Variants in NKAIN3 observed in about 807,000 individuals in gnomAD.
NKAIN3 encodes sodium/potassium transporting ATPase interacting 3, also known as sodium/potassium-transporting ATPase subunit beta-1-interacting protein 3.
A neutral mutation model predicts 30.2 loss-of-function variants in NKAIN3; 25 were observed. The observed-to-expected ratio is 0.83, with a 90% CI of 0.60 to 1.16. The LOEUF is 1.16. Among genes scored for constraint, NKAIN3 ranks in the 50% most tolerant of loss-of-function variants. The pLI, the probability that NKAIN3 is intolerant of heterozygous loss-of-function variation, is 0.00. For missense variants in NKAIN3, 225 were observed against 254.1 expected (o/e 0.89, Z 0.78); for synonymous variants, 91 against 89.6 (o/e 1.02, Z -0.09).
intron 3 of NKAIN3, among the ~76,000 whole-genome samples, chr8:62,604,134 T>C (rs941078376): frequency 1.3e-4 from 20 of 152,024 alleles, no homozygotes; most frequent in African/African-American, 4.3e-4. Context: ...TGAGGACTAA[T>C]AGAAAATAGT....
intron 3 of NKAIN3, among the ~76,000 whole-genome samples, chr8:62,594,327 A>G (rs769375371): frequency 2.0e-5 from 3 of 152,086 alleles, no homozygotes; most frequent in Non-Finnish European, 4.4e-5. Flanking sequence ...ATGTTTTAGC[A>G]GTCCTTGGCC....
rs1823923505 is a variant in NKAIN3 at position 62,975,580 on chromosome 8, A to C, written c.*10173A>C. On this transcript the variant is annotated 3_prime_UTR_variant, in exon 7 of 7. Coordinates refer to ENST00000623646, the MANE Select transcript of NKAIN3 (RefSeq NM_001304533.3). ...TTCTTCTTTATTAGCCTGGCTAGCC[A>C]TCTAAGTATTTTGTTAATCTTTTCA... 6.6e-6 allele frequency among the ~76,000 whole-genome samples: 1 copy of C among 152,006 alleles called. No homozygotes were observed. The highest frequency in any genetic ancestry group is 1.5e-5 in the Non-Finnish European group (1 of 67,964).
intron 3 of NKAIN3, among the ~76,000 whole-genome samples, chr8:62,655,785 A>G (rs1315442545): frequency 6.6e-6 from 1 of 152,072 alleles, no homozygotes; most frequent in Non-Finnish European, 1.5e-5. Context: ...ATGATGATGT[A>G]TATTTTGGTG....
intron 3 of NKAIN3, among the ~76,000 whole-genome samples, chr8:62,629,575 G>A (rs1004046713): frequency 9.2e-5 from 14 of 152,076 alleles, no homozygotes; most frequent in African/African-American, 2.7e-4. Flanking sequence ...TTGGCACATA[G>A]TAGGCACTCC....
At chr8:62,714,187 T>C (rs1814816649) in intron 3 of NKAIN3, among the ~76,000 whole-genome samples, 1 of 152,142 alleles carries the variant, frequency 6.6e-6, no homozygotes, top group African/African-American at 2.4e-5. Flanking sequence ...TCTTAAAAAG[T>C]GTAAGATTTA....
At chr8:62,947,666 G>A (rs1823163395) in intron 5 of NKAIN3, among the ~76,000 whole-genome samples, 1 of 152,120 alleles carries the variant, frequency 6.6e-6, no homozygotes, top group African/African-American at 2.4e-5. Context: ...ATCATAGAAG[G>A]CGACACAGCT....
chr8:62,345,348 C>CAT (rs1361302529), intron 1 of NKAIN3, among the ~76,000 whole-genome samples: 5 of 9,606 alleles, frequency 5.2e-4, no homozygotes, highest in African/African-American at 9.2e-4. Flanking sequence ...TATATACACA[C>CAT]ATATACACAT....
intron 6 of NKAIN3, among the ~76,000 whole-genome samples, 161 bp downstream of exon 6, chr8:62,954,133 T>C (rs929474573): frequency 6.6e-6 from 1 of 152,236 alleles, no homozygotes; most frequent in Non-Finnish European, 1.5e-5. Flanking sequence ...TCATCATTAT[T>C]ATTATTCATT....
chr8:62,828,232 T>G (rs1819085410), intron 4 of NKAIN3, among the ~76,000 whole-genome samples: 1 of 152,094 alleles, frequency 6.6e-6, no homozygotes, highest in Non-Finnish European at 1.5e-5. Flanking sequence ...AATTAATCAG[T>G]GTTTGCCAGA....
At chr8:62,518,306 G>A (rs188245055) in intron 1 of NKAIN3, among the ~76,000 whole-genome samples, 50 of 152,290 alleles carry the variant, frequency 3.3e-4, no homozygotes, top group Non-Finnish European at 6.6e-4. Context: ...GTTGCAGTGA[G>A]CTAAGATTGC....
intron 3 of NKAIN3, among the ~76,000 whole-genome samples, chr8:62,681,552 C>T (rs1361818813): frequency 1.3e-5 from 2 of 152,030 alleles, no homozygotes; most frequent in African/African-American, 4.8e-5. Flanking sequence ...ACCGTGTGGC[C>T]ATTTATCTTC....
At chr8:62,322,715 T>A (rs1458058600) in intron 1 of NKAIN3, among the ~76,000 whole-genome samples, 1 of 152,134 alleles carries the variant, frequency 6.6e-6, no homozygotes, top group Non-Finnish European at 1.5e-5. Context: ...AGGAAGTTGC[T>A]TAAGCTATTT....
intron 1 of NKAIN3, among the ~76,000 whole-genome samples, chr8:62,518,318 C>T (rs1271413953): frequency 6.6e-6 from 1 of 152,110 alleles, no homozygotes; most frequent in Non-Finnish European, 1.5e-5. Context: ...TAAGATTGCG[C>T]CACTGCACTC....
intron 4 of NKAIN3, among the ~76,000 whole-genome samples, chr8:62,771,539 A>G (rs1369155876): frequency 6.6e-6 from 1 of 152,114 alleles, no homozygotes; most frequent in Non-Finnish European, 1.5e-5. Flanking sequence ...AAAATATGGA[A>G]CATAACAATA....
At chr8:62,302,314 C>T (rs1317631270) in intron 1 of NKAIN3, among the ~76,000 whole-genome samples, 2 of 152,022 alleles carry the variant, frequency 1.3e-5, no homozygotes, top group Admixed American at 6.6e-5. Flanking sequence ...CTTCTTACCT[C>T]AGCTGGGTTC....
At chr8:62,924,985 G>A (rs73262862) in intron 5 of NKAIN3, among the ~76,000 whole-genome samples, 2,996 of 152,234 alleles carry the variant, frequency 0.02, 106 homozygotes, top group African/African-American at 0.064. Flanking sequence ...CTGGGGATTA[G>A]GTTTCAACAT....
At chr8:62,728,453 G>T (rs990684972) in intron 3 of NKAIN3, among the ~76,000 whole-genome samples, 1 of 151,846 alleles carries the variant, frequency 6.6e-6, no homozygotes, top group African/African-American at 2.4e-5. Context: ...ACCTGAGGTC[G>T]GGAGTTCGAG....
intron 4 of NKAIN3, chr8:62,856,853 T>C: frequency 1.7e-6 from 1 of 596,816 alleles, no homozygotes; most frequent in Non-Finnish European, 3.1e-6. Flanking sequence ...TCTCAAACAC[T>C]GTTTATGATC....
intron 4 of NKAIN3, among the ~76,000 whole-genome samples, chr8:62,906,137 G>T (rs1821767252): frequency 1.3e-5 from 2 of 152,178 alleles, no homozygotes; most frequent in African/African-American, 4.8e-5. Flanking sequence ...ATGGAGAAAA[G>T]AGATATGAAA....
Sources: allele counts gnomAD v4.1 joint callset (sites outside exome capture counted in the v4.1 genomes callset), GRCh38; gene constraint gnomAD v4.1.1; transcripts MANE v1.5; gene names NCBI Gene and HGNC (gene_info 2026-07-23, HGNC 2026-07-21).